Variants in GRM7 observed in about 807,000 individuals in gnomAD.
The protein encoded by GRM7 is glutamate metabotropic receptor 7.
A neutral mutation model predicts 84.5 loss-of-function variants in GRM7; 35 were observed. That is an observed-to-expected ratio of 0.41 (90% CI 0.32 to 0.55). The LOEUF is 0.55. Ranked by LOEUF, GRM7 falls within the 20% of genes least tolerant of loss-of-function variation. The probability of loss-of-function intolerance (pLI) is 0.19; values close to 1 mark genes in which losing one functional copy is unlikely to be tolerated. For missense variants in GRM7, 1,003 were observed against 1,194.6 expected (o/e 0.84, Z 2.36); for synonymous variants, 487 against 455.1 (o/e 1.07, Z -0.89).
chr3:7,571,544 C>T (rs1416543191), intron 7 of GRM7, among the ~76,000 whole-genome samples: 4 of 152,192 alleles, frequency 2.6e-5, no homozygotes, highest in Non-Finnish European at 5.9e-5. Flanking sequence ...TCTGACACCT[C>T]CTTAGCCTGG....
intron 2 of GRM7, among the ~76,000 whole-genome samples, chr3:7,241,974 G>A (rs919775482): frequency 4.6e-5 from 7 of 152,122 alleles, no homozygotes; most frequent in South Asian, 2.1e-4. Context: ...GAAATTCTTG[G>A]TTTTTACCTT....
intron 1 of GRM7, among the ~76,000 whole-genome samples, chr3:7,143,784 C>G (rs1340852560): frequency 6.6e-6 from 1 of 152,194 alleles, no homozygotes; most frequent in Non-Finnish European, 1.5e-5. Context: ...ATCTGCGCAA[C>G]AGCATGAAGC....
intron 2 of GRM7, among the ~76,000 whole-genome samples, chr3:7,238,347 G>T (rs1697419968): frequency 6.6e-6 from 1 of 152,034 alleles, no homozygotes; most frequent in Non-Finnish European, 1.5e-5. Context: ...ATCCTTACAG[G>T]GCTAATGCTT....
intron 4 of GRM7, among the ~76,000 whole-genome samples, chr3:7,330,387 T>G (rs1326479557): frequency 1.3e-5 from 2 of 152,140 alleles, no homozygotes; most frequent in Non-Finnish European, 2.9e-5. Flanking sequence ...TCCTCAAGTC[T>G]TAGCCCTCTT....
At chr3:7,186,630 T>C (rs1055220638) in intron 2 of GRM7, among the ~76,000 whole-genome samples, 3 of 152,230 alleles carry the variant, frequency 2.0e-5, no homozygotes, top group African/African-American at 7.2e-5. Flanking sequence ...TGTCTGTCTG[T>C]CTATCTAATC....
intron 2 of GRM7, among the ~76,000 whole-genome samples, chr3:7,296,871 A>G (rs1368785084): frequency 2.7e-5 from 4 of 150,462 alleles, no homozygotes; most frequent in African/African-American, 9.7e-5. Context: ...CTGGTCTCCA[A>G]CTCGTGGGCT....
intron 2 of GRM7, among the ~76,000 whole-genome samples, chr3:7,207,226 T>G (rs1229069829): frequency 2.6e-5 from 4 of 152,154 alleles, no homozygotes; most frequent in Non-Finnish European, 4.4e-5. Flanking sequence ...TCACCTTGAC[T>G]GAGAGTTGGC....
chr3:7,556,970 G>A (rs1693794678), intron 7 of GRM7, among the ~76,000 whole-genome samples: 3 of 152,184 alleles, frequency 2.0e-5, no homozygotes, highest in South Asian at 2.1e-4. Context: ...TAAAAAGCAG[G>A]TCTTTAGGCC....
intron 2 of GRM7, among the ~76,000 whole-genome samples, chr3:7,202,078 A>G (rs116235495): frequency 3.3e-5 from 5 of 151,870 alleles, no homozygotes; most frequent in Non-Finnish European, 7.4e-5. Context: ...TGATGCTGCT[A>G]TCTATTCTCC....
chr3:7,335,958 A>G (rs1042143949), intron 4 of GRM7, among the ~76,000 whole-genome samples: 6 of 152,092 alleles, frequency 3.9e-5, no homozygotes, highest in African/African-American at 1.4e-4. Flanking sequence ...TCACAGCTGA[A>G]TTCTATCAGA....
chr3:7,361,972 T>A (rs78100170), intron 4 of GRM7, among the ~76,000 whole-genome samples: 216 of 152,240 alleles, frequency 1.4e-3, no homozygotes, highest in African/African-American at 5.1e-3. Flanking sequence ...TTCTAAAGGA[T>A]AAGAAGGCTT....
chr3:6,945,494 G>A (rs1698038640), intron 1 of GRM7, among the ~76,000 whole-genome samples: 2 of 152,000 alleles, frequency 1.3e-5, no homozygotes, highest in Non-Finnish European at 1.5e-5. Context: ...CCAAGTCTTT[G>A]CTCTTGTGAA....
At chr3:7,331,925 T>G (rs555699622) in intron 4 of GRM7, among the ~76,000 whole-genome samples, 2 of 152,096 alleles carry the variant, frequency 1.3e-5, no homozygotes, top group Admixed American at 6.5e-5. Context: ...AGTAATTATA[T>G]TGAGCGTGTC....
chr3:7,488,857 T>TCTTATTTATTTACTTA (rs1267779900), intron 7 of GRM7, among the ~76,000 whole-genome samples: 1 of 69,284 alleles, frequency 1.4e-5, no homozygotes, highest in Non-Finnish European at 3.0e-5. Context: ...TCTAGTAAGG[T>TCTTATTTATTTACTTA]CTTATTTATT....
Position 6,861,854 on chromosome 3 carries a change from G to T in GRM7, c.466G>T (p.Ala156Ser), listed in dbSNP as rs544588695. The change falls in exon 1 of 10, where the codon GCT (alanine) becomes TCT (serine). Residue 156 changes from alanine to serine, a missense_variant. By Grantham distance (99) the Ala-to-Ser change is moderately conservative. Transcript: ENST00000357716. This position sits in a 1 kb window ranked among gnomAD's most constrained non-coding sequence, Gnocchi z 6.4. ...GGAGAAAGTAGTTGGAGTGATTGGG[G>T]CTTCGGGGAGTTCGGTCTCCATCAT... ...KPEKVVGVIG[A>S]SGSSVSIMVA... The T allele has an allele frequency of 1.2e-6, 2 of 1,614,010 alleles. No homozygotes were observed. Among genetic ancestry groups the T allele is most frequent in the East Asian group, 2.2e-5 (1 of 44,824 alleles).
intron 2 of GRM7, among the ~76,000 whole-genome samples, chr3:7,176,229 TAAAAAAAAAAAAAAAAAAAA>T (rs55732650): frequency 4.8e-5 from 3 of 63,142 alleles, no homozygotes; most frequent in Admixed American, 4.9e-4. Flanking sequence ...CTATAAAAAG[TAAAAAAAAAAAAAAAAAAAA>T]AAAAAAAAAA....
intron 1 of GRM7, among the ~76,000 whole-genome samples, chr3:6,949,072 T>C (rs1184547269): frequency 6.6e-6 from 1 of 151,488 alleles, no homozygotes; most frequent in East Asian, 1.9e-4. Flanking sequence ...GTTAGTATTG[T>C]TATGTGTGAA....
In GRM7 at chr3:7,298,824, A is replaced by C; in HGVS notation, c.877A>C (p.Lys293Gln). The C allele has an allele frequency of 1.2e-6, 2 of 1,612,926 alleles. No homozygotes were observed. The highest frequency in any genetic ancestry group is 4.5e-5 in the East Asian group (2 of 44,836). ...GATTTTTGCCAACGATGAGGATATA[A>C]AGTAAGAATAACTGGTGACAATTGT... ...VVIFANDEDIKQILAAAKRAD... is the reference protein window; with the variant it reads ...VVIFANDEDIQQILAAAKRAD... Residue 293 changes from lysine to glutamine, a missense_variant and splice_region_variant, in exon 3 of 10, where the codon AAG (lysine) becomes CAG (glutamine). Physicochemically the swap from Lys to Gln is moderately conservative, Grantham distance 53. Coordinates refer to ENST00000357716, the MANE Select transcript of GRM7 (RefSeq NM_000844.4).
intron 8 of GRM7, among the ~76,000 whole-genome samples, chr3:7,631,550 A>G (rs1196336456): frequency 6.6e-6 from 1 of 152,208 alleles, no homozygotes; most frequent in African/African-American, 2.4e-5. Context: ...GTGAAGAGAT[A>G]CCTGCCTTCA....
Sources: gnomAD v4.1 joint callset for allele counts (sites outside exome capture counted in the v4.1 genomes callset) on GRCh38, gnomAD v4.1.1 for gene constraint, Gnocchi (gnomAD v3.1) non-coding constraint, MANE v1.5 for transcripts, NCBI Gene and HGNC (gene_info 2026-07-23, HGNC 2026-07-21) for gene names.